The following CGNL1 variants were observed in gnomAD, a reference collection of about 807,000 sequenced individuals.
CGNL1 encodes the protein cingulin-like protein 1.
A neutral mutation model predicts 141.2 loss-of-function variants in CGNL1; 132 were observed. The ratio of observed to expected loss-of-function variants is 0.93; its 90% CI spans 0.81 to 1.08. CGNL1 has a LOEUF of 1.08. Among genes scored for constraint, CGNL1 ranks in the 50% least tolerant of loss-of-function variants. CGNL1 has a pLI of 0.00. For synonymous variants in CGNL1, 690 were observed against 622.1 expected (o/e 1.11, Z -1.63); for missense variants, 1,870 against 1,588.6 (o/e 1.18, Z -3.01).
chr15:57,437,489 G>C (rs1165585428), intron 1 of CGNL1, among the ~76,000 whole-genome samples: 4 of 151,828 alleles, frequency 2.6e-5, no homozygotes, highest in Admixed American at 2.6e-4. Flanking sequence ...AAAGAAAAAT[G>C]GTGAGCGTCA....
chr15:57,473,899 C>CTTTTT (rs59761174), intron 8 of CGNL1, among the ~76,000 whole-genome samples: 12 of 70,670 alleles, frequency 1.7e-4, no homozygotes, highest in African/African-American at 4.5e-4. Context: ...TCTTCTTCTT[C>CTTTTT]TTTTTTTTTT....
intron 8 of CGNL1, among the ~76,000 whole-genome samples, chr15:57,503,393 G>A (rs1476757756): frequency 6.6e-6 from 1 of 152,174 alleles, no homozygotes; most frequent in Non-Finnish European, 1.5e-5. Flanking sequence ...CAGTGCTTGT[G>A]GTCCAGTAAA....
At chr15:57,381,359 A>G (rs1355954408) in intron 1 of CGNL1, among the ~76,000 whole-genome samples, 1 of 152,176 alleles carries the variant, frequency 6.6e-6, no homozygotes, top group Non-Finnish European at 1.5e-5. Context: ...CAGGAGGTCA[A>G]TACCAGCCTG....
intron 1 of CGNL1, among the ~76,000 whole-genome samples, chr15:57,400,655 G>A (rs1370538242): frequency 5.3e-5 from 8 of 152,054 alleles, no homozygotes; most frequent in African/African-American, 1.9e-4. Flanking sequence ...GGCCAAGGCG[G>A]GCGGATCATC....
At chr15:57,441,684 C>A (rs2063189019) in intron 3 of CGNL1, among the ~76,000 whole-genome samples, 1 of 152,072 alleles carries the variant, frequency 6.6e-6, no homozygotes, top group African/African-American at 2.4e-5. Flanking sequence ...TCATTAAATT[C>A]TTTTATGTAT....
chr15:57,409,494 A>G (rs77485451), intron 1 of CGNL1, among the ~76,000 whole-genome samples: 7,787 of 152,302 alleles, frequency 0.051, 261 homozygotes, highest in African/African-American at 0.1. Context: ...TCAACTTAGA[A>G]GGCCACAGCT....
chr15:57,486,435 G>A (rs1186050539), intron 8 of CGNL1, among the ~76,000 whole-genome samples: 7 of 152,184 alleles, frequency 4.6e-5, no homozygotes, highest in African/African-American at 1.7e-4. Context: ...GACAGATACT[G>A]GGCGCTTCTG....
chr15:57,425,573 T>A (rs984201122), intron 1 of CGNL1, among the ~76,000 whole-genome samples: 2 of 152,096 alleles, frequency 1.3e-5, no homozygotes, highest in Admixed American at 1.3e-4. Flanking sequence ...TGAAACCATC[T>A]CTACTAAAAA....
At chr15:57,467,986 G>A (rs1385771198) in intron 8 of CGNL1, among the ~76,000 whole-genome samples, 2 of 152,054 alleles carry the variant, frequency 1.3e-5, no homozygotes, top group African/African-American at 4.8e-5. Flanking sequence ...CACCATGGCC[G>A]GCTAAGTCTC....
At chr15:57,458,752 G>A (rs1230969526) in intron 7 of CGNL1, among the ~76,000 whole-genome samples, 1 of 152,294 alleles carries the variant, frequency 6.6e-6, no homozygotes, top group African/African-American at 2.4e-5. Context: ...AAGGGGCTGG[G>A]CAGCGGCAGC....
intron 1 of CGNL1, among the ~76,000 whole-genome samples, chr15:57,380,870 G>A (rs1471941093): frequency 1.3e-5 from 2 of 152,216 alleles, no homozygotes; most frequent in African/African-American, 2.4e-5. Context: ...GAGCTGAAAG[G>A]AGAATGCAAA....
intron 1 of CGNL1, among the ~76,000 whole-genome samples, chr15:57,381,417 C>A (rs1035727615): frequency 6.6e-6 from 1 of 152,096 alleles, no homozygotes; most frequent in Non-Finnish European, 1.5e-5. Flanking sequence ...AGAAATTAGC[C>A]TGGTGTGGTG....
chr15:57,438,911 G>A lies in CGNL1; in HGVS notation c.912G>A (p.Thr304=), dbSNP rs775592248. The A allele has an allele frequency of 9.9e-6, 16 of 1,614,018 alleles. No individual in the cohort carries two copies. Among genetic ancestry groups the A allele is most frequent in the Admixed American group, 3.3e-5 (2 of 59,996 alleles). ...RRSSSSSTTP[T]SANSLYRFLL... is the part of the protein sequence containing the mutation. ...CCTCCTCGTCATCCACAACTCCCAC[G>A]TCAGCCAACTCTTTGTACAGGTTTT... Residue 304 remains threonine (T), a synonymous_variant, in exon 2 of 19, where the codon ACG becomes ACA. Coordinates refer to ENST00000281282, the MANE Select transcript of CGNL1 (RefSeq NM_032866.5).
chr15:57,485,668 C>T (rs150422130), intron 8 of CGNL1, among the ~76,000 whole-genome samples: 11 of 152,134 alleles, frequency 7.2e-5, no homozygotes, highest in Admixed American at 3.3e-4. Flanking sequence ...TTAGTAAAAA[C>T]AAATGATAGA....
At chr15:57,394,971 GCA>G (rs1179193929) in intron 1 of CGNL1, among the ~76,000 whole-genome samples, 36 of 152,286 alleles carry the variant, frequency 2.4e-4, no homozygotes, top group African/African-American at 8.7e-4. Context: ...AATTAGCTGT[GCA>G]TGGTGGCATA....
chr15:57,391,992 C>G (rs2062549168), intron 1 of CGNL1, among the ~76,000 whole-genome samples: 1 of 149,824 alleles, frequency 6.7e-6, no homozygotes, highest in Non-Finnish European at 1.5e-5. Context: ...TCACCTGACA[C>G]CATCACAATA....
intron 1 of CGNL1, among the ~76,000 whole-genome samples, chr15:57,403,498 A>G (rs932737773): frequency 6.6e-6 from 1 of 152,190 alleles, no homozygotes; most frequent in Non-Finnish European, 1.5e-5. Context: ...CAAGGAGTTT[A>G]TTTCAAAACA....
chr15:57,464,143 T>G (rs1437033327), intron 8 of CGNL1, among the ~76,000 whole-genome samples: 3 of 151,016 alleles, frequency 2.0e-5, no homozygotes, highest in African/African-American at 7.3e-5. Context: ...CATAAATGAG[T>G]AAAGCACTGA....
At chr15:57,463,277 T>A (rs1220312080) in intron 8 of CGNL1, among the ~76,000 whole-genome samples, 1 of 152,134 alleles carries the variant, frequency 6.6e-6, no homozygotes, top group Non-Finnish European at 1.5e-5. Context: ...GTCAGAGATA[T>A]GTAAGTGAGG....
Sources: allele counts gnomAD v4.1 joint callset (sites outside exome capture counted in the v4.1 genomes callset), GRCh38; gene constraint gnomAD v4.1.1; transcripts MANE v1.5; gene names NCBI Gene and HGNC (gene_info 2026-07-23, HGNC 2026-07-21).